UTRN: variants seen among roughly 807,000 people sequenced by gnomAD.
UTRN encodes dystrophin-related protein 1.
In UTRN, 283 loss-of-function variants were observed where a neutral mutation model predicts 463.9. The observed-to-expected ratio is 0.61, with a 90% confidence interval of 0.55 to 0.67. The LOEUF (loss-of-function observed/expected upper bound fraction) is 0.67, where lower values mean the gene tolerates loss of function less well. Among genes scored for constraint, UTRN ranks in the 30% least tolerant of loss-of-function variants. The pLI is 0.00. For synonymous variants in UTRN, 1,442 were observed against 1,431.5 expected, an observed-to-expected ratio of 1.01 and a Z score of -0.17; for missense variants, 3,922 against 4,084.3, an observed-to-expected ratio of 0.96 and a Z score of 1.08.
intron 45 of UTRN, 76 bp from the exon 46 acceptor site, chr6:144,542,719 A>G: frequency 6.9e-7 from 1 of 1,456,432 alleles, no homozygotes; most frequent in Non-Finnish European, 9.4e-7. Flanking sequence ...CATTCAGAAT[A>G]ACACCTCTTC....
intron 7 of UTRN, 47 bp from the exon 8 acceptor site, chr6:144,428,731 T>G (rs763935980): frequency 2.8e-6 from 3 of 1,089,812 alleles, no homozygotes; most frequent in Non-Finnish European, 4.0e-6. Context: ...GCCTACTTTG[T>G]TTCCACATAT....
chr6:144,748,272 A>C lies in UTRN; in HGVS notation c.7966A>C (p.Lys2656Gln). The change falls in exon 55 of 75, where the codon AAG becomes CAG. Residue 2656 changes from lysine to glutamine, a missense_variant. Transcript: ENST00000367545. ...ATTAACTCCTGAGGAGAGAGCCCAAAAGATTGCCAAAGCCATGCGCAAACA... is the reference window on the plus strand; with the variant it reads ...ATTAACTCCTGAGGAGAGAGCCCAACAGATTGCCAAAGCCATGCGCAAACA... The part of the protein sequence containing the change: ...TELTPEERAQ[K>Q]IAKAMRKQSS... 1 of 1,612,298 alleles carries C rather than the reference A, an allele frequency of 6.2e-7. No individual in the cohort carries two copies. Among genetic ancestry groups the C allele is most frequent in the East Asian group, 2.2e-5 (1 of 44,774 alleles).
chr6:144,814,062 C>T (rs749315839), intron 65 of UTRN, among the ~76,000 whole-genome samples: 1 of 152,160 alleles, frequency 6.6e-6, no homozygotes, highest in African/African-American at 2.4e-5. Context: ...AAGTCTCAAA[C>T]TCAAGTACTG....
chr6:144,657,178 A>T (rs542433526), intron 51 of UTRN, among the ~76,000 whole-genome samples: 10 of 136,828 alleles, frequency 7.3e-5, no homozygotes, highest in African/African-American at 2.4e-4. Context: ...TGAACTTGGG[A>T]GGTGGAGGTT....
At chr6:144,471,676 A>G (rs1011800974) in intron 23 of UTRN, among the ~76,000 whole-genome samples, 111 of 152,334 alleles carry the variant, frequency 7.3e-4, no homozygotes, top group African/African-American at 2.5e-3. Context: ...ACCTGTAACC[A>G]ACTGAAAATA....
At chr6:144,723,181 T>C (rs1787399192) in intron 53 of UTRN, among the ~76,000 whole-genome samples, 1 of 152,296 alleles carries the variant, frequency 6.6e-6, no homozygotes, top group African/African-American at 2.4e-5. Flanking sequence ...TATTTGCTAT[T>C]ACTAAAATAA....
intron 66 of UTRN, 120 bp downstream of exon 66, chr6:144,821,138 A>T: frequency 8.0e-7 from 1 of 1,246,076 alleles, no homozygotes; most frequent in Non-Finnish European, 1.1e-6. Context: ...AGGTAAATTA[A>T]ACTTGGAATC....
chr6:144,759,489 A>G (rs184826366), intron 58 of UTRN, among the ~76,000 whole-genome samples: 73 of 152,178 alleles, frequency 4.8e-4, no homozygotes, highest in African/African-American at 1.8e-3. Flanking sequence ...ACTGCTCCCA[A>G]CCCCTGAAAG....
intron 46 of UTRN, among the ~76,000 whole-genome samples, chr6:144,548,112 G>A (rs1798570434): frequency 6.6e-6 from 1 of 151,978 alleles, no homozygotes; most frequent in African/African-American, 2.4e-5. Context: ...TCAGAAATGT[G>A]CAAAATACTC....
At chr6:144,795,030 C>A (rs556447936) in intron 63 of UTRN, among the ~76,000 whole-genome samples, 1 of 152,250 alleles carries the variant, frequency 6.6e-6, no homozygotes, top group Non-Finnish European at 1.5e-5. Context: ...TAGTCCCCCA[C>A]CCACTGACAG....
At chr6:144,768,590 A>G (rs561007352) in intron 58 of UTRN, among the ~76,000 whole-genome samples, 174 of 152,354 alleles carry the variant, frequency 1.1e-3, no homozygotes, top group African/African-American at 4.0e-3. Context: ...TCACATATTT[A>G]TAGTGAGATT....
intron 19 of UTRN, among the ~76,000 whole-genome samples, chr6:144,454,624 T>C (rs892184979): frequency 7.9e-5 from 12 of 152,126 alleles, no homozygotes; most frequent in African/African-American, 2.7e-4. Flanking sequence ...AGCAGTAGCA[T>C]TTAATTTTTT....
intron 43 of UTRN, among the ~76,000 whole-genome samples, chr6:144,535,580 T>C (rs1193600784): frequency 6.6e-6 from 1 of 152,202 alleles, no homozygotes; most frequent in Non-Finnish European, 1.5e-5. Flanking sequence ...CAGCTTATAT[T>C]TTGACTAAAA....
chr6:144,637,047 C>T (rs993274847), intron 51 of UTRN, among the ~76,000 whole-genome samples: 1 of 152,210 alleles, frequency 6.6e-6, no homozygotes, highest in Non-Finnish European at 1.5e-5. Flanking sequence ...TGGCTCACTG[C>T]AACCTCTGCT....
In UTRN at chr6:144,459,302, CTA is replaced by C. The variant is rs754274059; in HGVS notation, c.2656_2657del (p.Tyr886ProfsTer17). ...QRGFDSFLGR[Y>X]QAVQEAVEDR... ...GGGGCTTCGATAGCTTTCTGGGCCG[CTA>C]CCAAGCTGTACAAGAGGCTGTAGAG... On this transcript the variant is annotated frameshift_variant, in exon 21 of 75. Coordinates refer to ENST00000367545, the MANE Select transcript of UTRN (RefSeq NM_007124.3). LOFTEE classifies it high-confidence loss of function. 18 of 1,613,944 alleles carry C rather than the reference CTA, an allele frequency of 1.1e-5. No homozygotes were observed. The highest frequency in any genetic ancestry group is 1.5e-5 in the Non-Finnish European group (18 of 1,179,994).
chr6:144,742,396 G>A lies in UTRN; in HGVS notation c.7940-5850G>A, dbSNP rs557024988. 4.6e-5 allele frequency among the ~76,000 whole-genome samples: 7 copies of A among 152,234 alleles called. No homozygotes were observed. In the East Asian group the frequency reaches 1.4e-3, roughly 29 times the overall value. On this transcript the variant is annotated intron_variant, in intron 54 of 74. Coordinates refer to ENST00000367545, the MANE Select transcript of UTRN (RefSeq NM_007124.3). ...TTGAACATTTCAGAGTTATTAAATGGATCTTAATCACTTTATCAGAAAATT... is the reference window on the plus strand; with the variant it reads ...TTGAACATTTCAGAGTTATTAAATGAATCTTAATCACTTTATCAGAAAATT...
chr6:144,405,293 C>T (rs1261723261), intron 3 of UTRN, among the ~76,000 whole-genome samples: 2 of 152,172 alleles, frequency 1.3e-5, no homozygotes, highest in Non-Finnish European at 2.9e-5. Context: ...TAAACATCCA[C>T]ATTATTTTTT....
intron 57 of UTRN, among the ~76,000 whole-genome samples, 189 bp from the exon 58 acceptor site, chr6:144,757,740 C>T (rs1455184157): frequency 6.6e-6 from 1 of 152,008 alleles, no homozygotes; most frequent in Non-Finnish European, 1.5e-5. Flanking sequence ...TGTATTGTTT[C>T]TTGTTTTACT....
In UTRN at chr6:144,593,220, A is replaced by AAAAGAATG. The variant is rs1218291095; in HGVS notation, c.7479+15935_7479+15942dup. On this transcript the variant is annotated intron_variant, in intron 51 of 74. Coordinates refer to ENST00000367545, the MANE Select transcript of UTRN (RefSeq NM_007124.3). Reference sequence around the variant, plus strand: ...GAACAAAATGCACAAACAAAGCAACAAAAGAATGAAGCAATGAAAGCACAG... The same window carrying AAAAGAATG: ...GAACAAAATGCACAAACAAAGCAACAAAAGAATGAAAGAATGAAGCAATGAAAGCACAG... Among the ~76,000 whole-genome samples, 4 of 152,208 alleles carry AAAAGAATG rather than the reference A, an allele frequency of 2.6e-5. No homozygotes were observed. In the East Asian group the frequency reaches 7.7e-4, roughly 29 times the overall value.
Sources: allele counts gnomAD v4.1 joint callset (sites outside exome capture counted in the v4.1 genomes callset), GRCh38; gene constraint gnomAD v4.1.1; transcripts MANE v1.5; gene names NCBI Gene and HGNC (gene_info 2026-07-23, HGNC 2026-07-21).